Variants in TSPOAP1 observed in about 807,000 individuals in gnomAD.
TSPOAP1 encodes the protein TSPO associated protein 1, also known as peripheral-type benzodiazepine receptor-associated protein 1.
In TSPOAP1, 87 loss-of-function variants were observed where a neutral mutation model predicts 197.0. The observed-to-expected ratio is 0.44, with a 90% CI of 0.37 to 0.53. The LOEUF (loss-of-function observed/expected upper bound fraction) is 0.53, where lower values mean the gene tolerates loss of function less well. TSPOAP1 is among the 20% of genes least tolerant of loss of function. The pLI is 0.00. For synonymous variants in TSPOAP1, 913 were observed against 998.9 expected (o/e 0.91, Z 1.62); for missense variants, 2,174 against 2,411.3 (o/e 0.90, Z 2.06).
rs752560074 is a variant in TSPOAP1 at position 58,305,398 on chromosome 17, C to T, written c.5422G>A (p.Gly1808Ser). 5.0e-6 allele frequency: 8 copies of T among 1,613,874 alleles called. No individual in the cohort carries two copies. Among genetic ancestry groups the T allele is most frequent in the South Asian group, 2.2e-5 (2 of 91,090 alleles). ...ITVFGGMDDD[G>S]FYYGELNGQR... ...AACAATGTTCTCACATAGTAGAAAC[C>T]GTCATCGTCCATGCCCCCAAACACA... The change falls in exon 29 of 32, where the codon GGT becomes AGT. Residue 1808 changes from glycine (G) to serine (S), a missense_variant. Transcript: ENST00000343736.
intron 24 of TSPOAP1, 81 bp downstream of exon 24, chr17:58,307,530 T>C: frequency 6.6e-7 from 1 of 1,519,200 alleles, no homozygotes; most frequent in Non-Finnish European, 8.9e-7. Context: ...GATTCTGTGC[T>C]ACCTCCAGTG....
In TSPOAP1 at chr17:58,312,313, C is replaced by T; in HGVS notation, c.2508G>A (p.Gly836=). The T allele has an allele frequency of 6.2e-7, 1 of 1,612,874 alleles. No homozygotes were observed. Residue 836 remains glycine, a synonymous_variant, in exon 17 of 32, where the codon GGG becomes GGA. Coordinates refer to ENST00000343736, the MANE Select transcript of TSPOAP1 (RefSeq NM_004758.4). ...CVNGELRQAL[G]PGAPPKAVLE... is the part of the protein sequence containing the mutation. ...GCACGGCCTTGGGTGGCGCCCCAGG[C>T]CCCAGGGCCTGTCGCAGCTCCCCAT...
At chr17:58,305,989 A>G in intron 26 of TSPOAP1, 124 bp from the exon 27 acceptor site, 2 of 1,053,868 alleles carry the variant, frequency 1.9e-6, no homozygotes, top group Admixed American at 4.3e-5. Context: ...CCGAGGGCGC[A>G]TCTCCCCAAC....
Position 58,306,412 on chromosome 17 carries a change from C to A in TSPOAP1, c.5154G>T (p.Gly1718=). ...LSPDILLEGS[G]NGPFVYSTAH... is the part of the protein sequence containing the mutation. The stretch of plus-strand genomic sequence containing the variant: ...CTGTGGAGTACACAAACGGACCATT[C>A]CCTGATCCAGAAAAGCAGAGAGAAA... The change falls in exon 26 of 32, where the codon GGG becomes GGT. Residue 1718 remains glycine (G), a splice_region_variant and synonymous_variant. Transcript: ENST00000343736. 1 of 1,555,008 alleles carries A rather than the reference C, an allele frequency of 6.4e-7. No individual in the cohort carries two copies. The highest frequency in any genetic ancestry group is 2.4e-5 in the East Asian group (1 of 41,290).
intron 24 of TSPOAP1, 64 bp downstream of exon 24, chr17:58,307,547 A>C: frequency 6.4e-7 from 1 of 1,564,172 alleles, no homozygotes; most frequent in African/African-American, 1.3e-5. Flanking sequence ...AGTGGAGGAA[A>C]GGAGGGAGGA....
At position 58,311,085 on chromosome 17, in the gene TSPOAP1, G is replaced by A; in HGVS notation, c.3210C>T (p.Ile1070=). Reference sequence around the variant, plus strand: ...CCAGGGCGGGAGTGATAGGAGCCGGGATGGAGTCCGCCGACTCCCCGTGGG... The same window carrying A: ...CCAGGGCGGGAGTGATAGGAGCCGGAATGGAGTCCGCCGACTCCCCGTGGG... ...MSPHGESADS[I]PAPITPALAP... Residue 1070 remains isoleucine, a synonymous_variant, in exon 19 of 32, where the codon ATC becomes ATT. Transcript: ENST00000343736. The A allele has an allele frequency of 1.3e-6, 2 of 1,583,042 alleles. No homozygotes were observed. The highest frequency in any genetic ancestry group is 1.1e-5 in the South Asian group (1 of 87,626).
At position 58,326,708 on chromosome 17, in the gene TSPOAP1, A is replaced by G; in HGVS notation, c.416T>C (p.Ile139Thr). 1 of 1,614,026 alleles carries G rather than the reference A, an allele frequency of 6.2e-7. No individual in the cohort carries two copies. Among genetic ancestry groups the G allele is most frequent in the Non-Finnish European group, 8.5e-7 (1 of 1,180,002 alleles). ...ALGELRQRCA[I>T]LKEENQMLRK... is the part of the protein sequence containing the mutation. The stretch of plus-strand genomic sequence containing the variant: ...CAGCATCTGGTTTTCCTCCTTAAGG[A>G]TGGCACAGCGCTGCCGCAGCTCCCC... The change falls in exon 2 of 32, where the codon ATC becomes ACC. Residue 139 changes from isoleucine to threonine, a missense_variant. Coordinates refer to ENST00000343736, the MANE Select transcript of TSPOAP1 (RefSeq NM_004758.4). This position sits in a 1 kb window ranked among gnomAD's most constrained non-coding sequence, Gnocchi z 4.7.
Position 58,322,572 on chromosome 17 carries a change from C to G in TSPOAP1, c.1317+82G>C. The G allele has an allele frequency of 6.3e-7, 1 of 1,581,378 alleles. No individual in the cohort carries two copies. The highest frequency in any genetic ancestry group is 8.6e-7 in the Non-Finnish European group (1 of 1,166,280). ...CAGGCCCAGGCCTCAGAGCTAGTGCCCCTCACTAAGAATATTCTGCTGTCC... is the reference window on the plus strand; with the variant it reads ...CAGGCCCAGGCCTCAGAGCTAGTGCGCCTCACTAAGAATATTCTGCTGTCC... On this transcript the variant is annotated intron_variant, in intron 9 of 31. Coordinates refer to ENST00000343736, the MANE Select transcript of TSPOAP1 (RefSeq NM_004758.4). This position sits in a 1 kb window ranked among gnomAD's most constrained non-coding sequence, Gnocchi z 5.0.
intron 12 of TSPOAP1, 31 bp downstream of exon 12, chr17:58,320,078 A>G: frequency 6.2e-7 from 1 of 1,613,768 alleles, no homozygotes; most frequent in Non-Finnish European, 8.5e-7. Flanking sequence ...CAGCCTGGAG[A>G]GGTGTGGGGA....
intron 4 of TSPOAP1, 101 bp downstream of exon 4, chr17:58,325,433 C>T (rs935221235): frequency 6.1e-6 from 9 of 1,472,234 alleles, no homozygotes; most frequent in Non-Finnish European, 8.3e-6. Context: ...CTCCACCCTC[C>T]CTTTCATTTG....
rs1407251289 is a variant in TSPOAP1 at position 58,322,052 on chromosome 17, C to T, written c.1422+256G>A. ...CCTCAGGGAGGCCTTCCCTGATGAC[C>T]TCTAAAGTGGCTCCTCACCCCATCC... On this transcript the variant is annotated intron_variant, in intron 10 of 31. Coordinates refer to ENST00000343736, the MANE Select transcript of TSPOAP1 (RefSeq NM_004758.4). This position sits in a 1 kb window ranked among gnomAD's most constrained non-coding sequence, Gnocchi z 5.0. The T allele has an allele frequency of 2.0e-6, 1 of 507,140 alleles. No individual in the cohort carries two copies. The highest frequency in any genetic ancestry group is 3.5e-6 in the Non-Finnish European group (1 of 285,412). 31.4% of individuals were successfully genotyped at this position (507,140 alleles called of 1,614,324 possible).
At chr17:58,305,981 G>C in intron 26 of TSPOAP1, 116 bp from the exon 27 acceptor site, 1 of 1,173,702 alleles carries the variant, frequency 8.5e-7, no homozygotes, top group Non-Finnish European at 1.2e-6. Context: ...GAAGGCTGCC[G>C]AGGGCGCATC....
chr17:58,327,708 G>T lies in TSPOAP1; in HGVS notation c.213C>A (p.Pro71=). 1.2e-6 allele frequency: 2 copies of T among 1,614,086 alleles called. No individual in the cohort carries two copies. Among genetic ancestry groups the T allele is most frequent in the Non-Finnish European group, 1.7e-6 (2 of 1,180,028 alleles). The change falls in exon 1 of 32, where the codon CCC becomes CCA. Residue 71 remains proline, a synonymous_variant. Coordinates refer to ENST00000343736, the MANE Select transcript of TSPOAP1 (RefSeq NM_004758.4). ...CTCCTTCAGGGTCAGTTCCCCCCAC[G>T]GGCCTGGAGCTCCCGTCTCCTTTGG... ...SKPKGDGSSR[P]VGGTDPEGAE...
intron 18 of TSPOAP1, 92 bp from the exon 19 acceptor site, chr17:58,311,305 A>C (rs1971071481): frequency 2.2e-5 from 33 of 1,516,482 alleles, no homozygotes; most frequent in Non-Finnish European, 2.9e-5. Flanking sequence ...AACTGACAGC[A>C]GTGGCAGCTA....
Position 58,322,162 on chromosome 17 carries a change from G to A in TSPOAP1, c.1422+146C>T. 1 of 729,324 alleles carries A rather than the reference G, an allele frequency of 1.4e-6. No homozygotes were observed. The highest frequency in any genetic ancestry group is 2.3e-6 in the Non-Finnish European group (1 of 443,014). 45.2% of individuals were successfully genotyped at this position (729,324 alleles called of 1,614,324 possible). Reference sequence around the variant, plus strand: ...TCAGCTCACTCCTGGATGCTAATTTGCTGACTGCTCAGGGACCTGGTCTTT... The same window carrying A: ...TCAGCTCACTCCTGGATGCTAATTTACTGACTGCTCAGGGACCTGGTCTTT... On this transcript the variant is annotated intron_variant, in intron 10 of 31. Coordinates refer to ENST00000343736, the MANE Select transcript of TSPOAP1 (RefSeq NM_004758.4). This position sits in a 1 kb window ranked among gnomAD's most constrained non-coding sequence, Gnocchi z 5.0.
Position 58,310,937 on chromosome 17 carries a change from C to G in TSPOAP1, c.3358G>C (p.Ala1120Pro). 1 of 1,564,642 alleles carries G rather than the reference C, an allele frequency of 6.4e-7. No individual in the cohort carries two copies. Among genetic ancestry groups the G allele is most frequent in the East Asian group, 2.2e-5 (1 of 44,486 alleles). Reference sequence around the variant, plus strand: ...GGAGGCTCTTGAGTTCCAAGGGGAGCAGGGTGCTGGAGAGGAGAGCTGGGG... The same window carrying G: ...GGAGGCTCTTGAGTTCCAAGGGGAGGAGGGTGCTGGAGAGGAGAGCTGGGG... ...GDPSSPLQHPAPLGTQEPPGA... is the reference protein window; with the variant it reads ...GDPSSPLQHPPPLGTQEPPGA... Residue 1120 changes from alanine (A) to proline (P), a missense_variant, in exon 19 of 32, where the codon GCT (alanine) becomes CCT (proline). Physicochemically the swap from Ala to Pro is conservative, Grantham distance 27. Transcript: ENST00000343736.
At position 58,318,292 on chromosome 17, in the gene TSPOAP1, G is replaced by A. The variant is rs929649245; in HGVS notation, c.1860C>T (p.Cys620=). 6.2e-7 allele frequency: 1 copy of A among 1,614,054 alleles called. No individual in the cohort carries two copies. Among genetic ancestry groups the A allele is most frequent in the African/African-American group, 1.3e-5 (1 of 74,932 alleles). Residue 620 remains cysteine (C), a synonymous_variant, in exon 14 of 32, where the codon TGC becomes TGT. Coordinates refer to ENST00000343736, the MANE Select transcript of TSPOAP1 (RefSeq NM_004758.4). ...SESIHNSPKS[C]PTPEVDTASE... ...CCCCAGCAATTACCTCAGGTGTAGG[G>A]CATGACTTGGGGCTGTTGTGGATGG...
At chr17:58,325,364 C>T in intron 4 of TSPOAP1, 170 bp downstream of exon 4, 1 of 823,954 alleles carries the variant, frequency 1.2e-6, no homozygotes. Context: ...ACTCATGGCT[C>T]CACCCCCTTC....
intron 24 of TSPOAP1, 50 bp from the exon 25 acceptor site, chr17:58,307,018 C>A: frequency 6.4e-7 from 1 of 1,570,212 alleles, no homozygotes. Context: ...TCCCTATGCC[C>A]CTAGGCCCCG....
Sources: allele counts gnomAD v4.1 joint callset, GRCh38; gene constraint gnomAD v4.1.1; non-coding constraint Gnocchi (gnomAD v3.1); transcripts MANE v1.5; gene names NCBI Gene and HGNC (gene_info 2026-07-23, HGNC 2026-07-21).